The following PTPRD variants were observed in gnomAD, a reference collection of about 807,000 sequenced individuals.
PTPRD encodes receptor-type tyrosine-protein phosphatase delta.
A neutral mutation model predicts 214.5 loss-of-function variants in PTPRD; 34 were observed. That is an observed-to-expected ratio of 0.16 (90% CI 0.12 to 0.21). The LOEUF (loss-of-function observed/expected upper bound fraction) is 0.21. Among genes scored for constraint, PTPRD ranks in the 10% least tolerant of loss-of-function variants. The pLI is 1.00. For missense variants in PTPRD, 2,545 were observed against 2,398.7 expected (o/e 1.06, Z -1.27); for synonymous variants, 1,128 against 845.7 (o/e 1.33, Z -5.79).
chr9:10,029,493 C>T (rs2097009014), intron 4 of PTPRD, among the ~76,000 whole-genome samples: 1 of 152,208 alleles, frequency 6.6e-6, no homozygotes, highest in Non-Finnish European at 1.5e-5. Context: ...CCATCTTTTC[C>T]ATCAGCATGA....
chr9:8,928,099 T>A (rs2098916657), intron 11 of PTPRD, among the ~76,000 whole-genome samples: 1 of 152,204 alleles, frequency 6.6e-6, no homozygotes, highest in African/African-American at 2.4e-5. Flanking sequence ...ATTCTGGATA[T>A]TTGCCCTTTG....
At chr9:8,600,530 G>C (rs1229239896) in intron 14 of PTPRD, among the ~76,000 whole-genome samples, 1 of 151,530 alleles carries the variant, frequency 6.6e-6, no homozygotes, top group South Asian at 2.1e-4. Flanking sequence ...AATAGAAGAG[G>C]AAAGAGTAAA....
intron 5 of PTPRD, among the ~76,000 whole-genome samples, chr9:9,812,494 T>G (rs1455913130): frequency 1.3e-5 from 2 of 152,152 alleles, no homozygotes; most frequent in East Asian, 3.9e-4. Context: ...AGATATTCCA[T>G]GGAAATGGTA....
rs66572993 is a variant in PTPRD at position 10,155,349 on chromosome 9, A to T, written c.-544-121559T>A. 4.1e-4 allele frequency among the ~76,000 whole-genome samples: 62 copies of T among 152,002 alleles called. 1 individual carries two copies. The highest frequency in any genetic ancestry group is 1.5e-3 in the African/African-American group (61 of 41,448). The stretch of plus-strand genomic sequence containing the variant: ...TTTACCAGCTGAAGGAGCTTTTGGA[A>T]CAAGACTATAGGGCTTCCTAGATAT... On this transcript the variant is annotated intron_variant, in intron 3 of 45. Transcript: ENST00000381196.
chr9:9,820,102 C>A (rs766151891), intron 5 of PTPRD, among the ~76,000 whole-genome samples: 8 of 152,148 alleles, frequency 5.3e-5, no homozygotes, highest in Non-Finnish European at 1.2e-4. Context: ...TATATTCTTA[C>A]CAACAGTGTA....
At chr9:8,443,247 TAAAAC>T (rs1475693807) in intron 34 of PTPRD, among the ~76,000 whole-genome samples, 1 of 152,284 alleles carries the variant, frequency 6.6e-6, no homozygotes, top group East Asian at 1.9e-4. Context: ...TTTCAGAAAA[TAAAAC>T]AGAAAGGACA....
At chr9:9,559,644 T>TG (rs2082392969) in intron 8 of PTPRD, among the ~76,000 whole-genome samples, 1 of 152,206 alleles carries the variant, frequency 6.6e-6, no homozygotes, top group South Asian at 2.1e-4. Flanking sequence ...TGACATATAG[T>TG]GGAGCTATGC....
intron 5 of PTPRD, among the ~76,000 whole-genome samples, chr9:9,928,762 A>ACACACACACACACACACACACACAC (rs1566422203): frequency 6.6e-6 from 1 of 151,340 alleles, no homozygotes; most frequent in African/African-American, 2.4e-5. Context: ...CTCTATACAC[A>ACACACACACACACACACACACACAC]CACACACACA....
At chr9:8,915,512 T>C (rs1349647565) in intron 11 of PTPRD, among the ~76,000 whole-genome samples, 1 of 152,130 alleles carries the variant, frequency 6.6e-6, no homozygotes, top group Non-Finnish European at 1.5e-5. Flanking sequence ...CGTGTGTGTG[T>C]ATATATACAA....
intron 29 of PTPRD, among the ~76,000 whole-genome samples, chr9:8,484,792 T>G (rs1232848179): frequency 6.6e-6 from 1 of 152,198 alleles, no homozygotes; most frequent in African/African-American, 2.4e-5. Context: ...GTTTCTCTAT[T>G]TCTTATTTCA....
intron 4 of PTPRD, among the ~76,000 whole-genome samples, chr9:10,032,830 G>A (rs978041686): frequency 2.6e-5 from 4 of 151,316 alleles, no homozygotes; most frequent in African/African-American, 9.8e-5. Flanking sequence ...CATTTCAACT[G>A]TATGCAATTT....
intron 2 of PTPRD, among the ~76,000 whole-genome samples, chr9:10,559,627 C>A (rs1403738923): frequency 6.6e-6 from 1 of 151,870 alleles, no homozygotes; most frequent in African/African-American, 2.4e-5. Flanking sequence ...AGGCAACCCA[C>A]AAAATGGGAG....
At chr9:9,302,206 C>CT (rs964788639) in intron 9 of PTPRD, among the ~76,000 whole-genome samples, 6 of 151,734 alleles carry the variant, frequency 4.0e-5, no homozygotes, top group African/African-American at 1.5e-4. Context: ...TTTTAAATTG[C>CT]TTTTTTTCCC....
intron 12 of PTPRD, among the ~76,000 whole-genome samples, chr9:8,722,214 T>C (rs1192708219): frequency 6.7e-6 from 1 of 148,206 alleles, no homozygotes; most frequent in Admixed American, 6.7e-5. Context: ...GGACTTCACA[T>C]TCAGGATCTC....
At chr9:9,903,923 G>A (rs558072141) in intron 5 of PTPRD, among the ~76,000 whole-genome samples, 2 of 152,120 alleles carry the variant, frequency 1.3e-5, no homozygotes, top group South Asian at 4.2e-4. Context: ...AACTAATAGG[G>A]TCATTGACTC....
intron 2 of PTPRD, among the ~76,000 whole-genome samples, chr9:10,481,789 A>G (rs1238563154): frequency 6.6e-6 from 1 of 152,218 alleles, no homozygotes; most frequent in Non-Finnish European, 1.5e-5. Context: ...GAAGAGCAGT[A>G]GCAGTCGAAG....
At chr9:9,800,297 T>C (rs972941057) in intron 5 of PTPRD, among the ~76,000 whole-genome samples, 1 of 152,130 alleles carries the variant, frequency 6.6e-6, no homozygotes, top group African/African-American at 2.4e-5. Context: ...ATTGAGTCAC[T>C]GTGCTCCATC....
At chr9:10,572,298 A>G (rs1341799839) in intron 2 of PTPRD, among the ~76,000 whole-genome samples, 1 of 152,196 alleles carries the variant, frequency 6.6e-6, no homozygotes, top group East Asian at 1.9e-4. Flanking sequence ...CAGTATATCT[A>G]GCTCTACTGT....
intron 6 of PTPRD, among the ~76,000 whole-genome samples, chr9:9,752,012 C>G (rs2154465924): frequency 6.6e-6 from 1 of 152,138 alleles, no homozygotes; most frequent in Middle Eastern, 3.4e-3. Flanking sequence ...TCGATTTATT[C>G]TTCATTTCTA....
Sources: gnomAD v4.1 joint callset for allele counts (sites outside exome capture counted in the v4.1 genomes callset) on GRCh38, gnomAD v4.1.1 for gene constraint, MANE v1.5 for transcripts, NCBI Gene and HGNC (gene_info 2026-07-23, HGNC 2026-07-21) for gene names.